HUNK: variants seen among roughly 807,000 people sequenced by gnomAD.
The protein encoded by HUNK is hormonally up-regulated neu tumor-associated kinase.
HUNK carries 21 observed loss-of-function variants against 61.0 expected under a neutral mutation model. That is an observed-to-expected ratio of 0.34 (90% CI 0.24 to 0.50). The LOEUF is 0.50. HUNK is among the 20% of genes least tolerant of loss of function. The probability of loss-of-function intolerance (pLI) is 0.98; values close to 1 mark genes in which losing one functional copy is unlikely to be tolerated. For synonymous variants in HUNK, 371 were observed against 386.1 expected (o/e 0.96, Z 0.46); for missense variants, 772 against 945.7 (o/e 0.82, Z 2.41).
intron 2 of HUNK, among the ~76,000 whole-genome samples, chr21:31,927,516 T>A (rs1010332644): frequency 6.6e-6 from 1 of 151,928 alleles, no homozygotes; most frequent in Non-Finnish European, 1.5e-5. Context: ...TGGTGGCAGG[T>A]GCCTGTAGTG....
At chr21:31,916,927 C>G (rs1006013871) in intron 1 of HUNK, among the ~76,000 whole-genome samples, 5 of 152,074 alleles carry the variant, frequency 3.3e-5, no homozygotes, top group African/African-American at 1.2e-4. Flanking sequence ...TCACCAGCCT[C>G]AGCCTCCCAA....
At chr21:31,942,196 C>G (rs995298480) in intron 3 of HUNK, among the ~76,000 whole-genome samples, 1 of 152,180 alleles carries the variant, frequency 6.6e-6, no homozygotes, top group Non-Finnish European at 1.5e-5. Context: ...GGCGACAGAG[C>G]GAGACTCCGT....
chr21:31,982,877 C>T (rs2053107446), intron 7 of HUNK, among the ~76,000 whole-genome samples: 1 of 152,130 alleles, frequency 6.6e-6, no homozygotes, highest in South Asian at 2.1e-4. Flanking sequence ...GATCTTGGCT[C>T]ACTGCAGCCT....
At chr21:31,874,018 G>C (rs1465548279) in intron 1 of HUNK, 83 bp downstream of exon 1, 6 of 1,103,586 alleles carry the variant, frequency 5.4e-6, no homozygotes, top group African/African-American at 1.6e-5. Context: ...TGCACTGGGA[G>C]TCCCAGTGTG....
At chr21:31,985,527 A>G (rs186912278) in intron 8 of HUNK, among the ~76,000 whole-genome samples, 1 of 152,320 alleles carries the variant, frequency 6.6e-6, no homozygotes, top group East Asian at 1.9e-4. Context: ...AGAGGTGGGC[A>G]ATGGCACAGG....
intron 7 of HUNK, among the ~76,000 whole-genome samples, chr21:31,982,863 G>A (rs1327909488): frequency 1.3e-5 from 2 of 152,068 alleles, no homozygotes; most frequent in Non-Finnish European, 2.9e-5. Context: ...GAGTGCAATG[G>A]CACGATCTTG....
intron 1 of HUNK, among the ~76,000 whole-genome samples, chr21:31,875,656 C>T (rs576422527): frequency 2.2e-4 from 33 of 152,350 alleles, no homozygotes; most frequent in Admixed American, 5.9e-4. Flanking sequence ...AGTGAGCTCT[C>T]TTCTCCTGGC....
chr21:31,884,085 C>T (rs1388235658), intron 1 of HUNK, among the ~76,000 whole-genome samples: 1 of 152,138 alleles, frequency 6.6e-6, no homozygotes, highest in East Asian at 1.9e-4. Flanking sequence ...GTCCATGTCC[C>T]ATCATCTCTT....
At chr21:31,979,183 A>G (rs573093406) in intron 7 of HUNK, among the ~76,000 whole-genome samples, 1 of 149,858 alleles carries the variant, frequency 6.7e-6, no homozygotes, top group South Asian at 2.1e-4. Context: ...GCTCACTGCA[A>G]CCTCTGCTTA....
intron 5 of HUNK, among the ~76,000 whole-genome samples, chr21:31,967,935 T>G (rs1242660256): frequency 6.6e-6 from 1 of 152,170 alleles, no homozygotes. Context: ...CCAAACTGGT[T>G]CTTGCTGTAT....
At chr21:31,941,587 A>C (rs1473761198) in intron 3 of HUNK, among the ~76,000 whole-genome samples, 2 of 152,170 alleles carry the variant, frequency 1.3e-5, no homozygotes, top group East Asian at 3.9e-4. Context: ...GATTACAGGC[A>C]TGAGCCACCA....
chr21:31,996,027 C>T (rs986331856), intron 10 of HUNK, 79 bp downstream of exon 10: 39 of 1,053,902 alleles, frequency 3.7e-5, no homozygotes, highest in Non-Finnish European at 4.8e-5. Flanking sequence ...AGGGGATGGT[C>T]GAATGGGCCC....
intron 8 of HUNK, among the ~76,000 whole-genome samples, chr21:31,984,263 A>T (rs866289241): frequency 2.0e-5 from 3 of 152,200 alleles, no homozygotes; most frequent in Non-Finnish European, 4.4e-5. Flanking sequence ...GAAATGATAA[A>T]TATTTGAGGT....
chr21:31,998,506 T>C lies in HUNK; in HGVS notation c.1487-20T>C. 1.3e-6 allele frequency: 2 copies of C among 1,557,276 alleles called. No homozygotes were observed. The highest frequency in any genetic ancestry group is 1.4e-5 in the African/African-American group (1 of 72,936). On this transcript the variant is annotated intron_variant, in intron 10 of 10. Coordinates refer to ENST00000270112, the MANE Select transcript of HUNK (RefSeq NM_014586.2). ...CTGTCCGGACGTCCTCATGATTGTT[T>C]ATGCTTTCTTGGTGTGCAGATTCCT...
chr21:31,886,011 T>G (rs1374503100), intron 1 of HUNK, among the ~76,000 whole-genome samples: 2 of 152,150 alleles, frequency 1.3e-5, no homozygotes, highest in African/African-American at 4.8e-5. Context: ...GATTACAGAC[T>G]ATAGACGTGA....
chr21:31,933,978 T>C (rs1461470604), intron 2 of HUNK, among the ~76,000 whole-genome samples: 1 of 152,106 alleles, frequency 6.6e-6, no homozygotes, highest in Non-Finnish European at 1.5e-5. Flanking sequence ...CCGACCAGCC[T>C]GCCCTTCACC....
intron 7 of HUNK, among the ~76,000 whole-genome samples, chr21:31,979,104 A>ATTT (rs1601407679): frequency 3.6e-5 from 3 of 82,808 alleles, no homozygotes; most frequent in East Asian, 2.9e-4. Context: ...CCTATTGGCC[A>ATTT]TTTCTTTTTT....
At chr21:31,908,514 G>C (rs1023491247) in intron 1 of HUNK, among the ~76,000 whole-genome samples, 1 of 152,028 alleles carries the variant, frequency 6.6e-6, no homozygotes, top group Non-Finnish European at 1.5e-5. Context: ...AACCGGTCGG[G>C]CAACAGGTGG....
intron 1 of HUNK, among the ~76,000 whole-genome samples, chr21:31,889,320 T>G (rs1050040271): frequency 6.6e-6 from 1 of 152,188 alleles, no homozygotes; most frequent in Non-Finnish European, 1.5e-5. Context: ...AAAAGGAAGC[T>G]TAGGGAAAGT....
Sources: allele counts gnomAD v4.1 joint callset (sites outside exome capture counted in the v4.1 genomes callset), GRCh38; gene constraint gnomAD v4.1.1; transcripts MANE v1.5; gene names NCBI Gene and HGNC (gene_info 2026-07-23, HGNC 2026-07-21).